CELF2: variants seen among roughly 807,000 people sequenced by gnomAD.
The protein encoded by CELF2 is CUGBP Elav-like family member 2.
A neutral mutation model predicts 62.6 loss-of-function variants in CELF2; 8 were observed. That is an observed-to-expected ratio of 0.13 (90% CI 0.07 to 0.23). CELF2 has a LOEUF of 0.23. Among genes scored for constraint, CELF2 ranks in the 10% least tolerant of loss-of-function variants. The probability of loss-of-function intolerance (pLI) is 1.00; values close to 1 mark genes in which losing one functional copy is unlikely to be tolerated. For missense variants in CELF2, 333 were observed against 671.0 expected (o/e 0.50, Z 5.56); for synonymous variants, 258 against 250.0 (o/e 1.03, Z -0.30).
the CELF2 span, among the ~76,000 whole-genome samples, chr10:10,744,693 T>C: frequency 1.3e-5 from 2 of 152,134 alleles, 1 homozygote. Context: ...TTTTTTTTTT[T>C]AGCAAGCATC....
intron 8 of CELF2, 93 bp downstream of exon 8, chr10:11,275,213 A>C (rs778951892): frequency 8.2e-7 from 1 of 1,223,712 alleles, no homozygotes; most frequent in Non-Finnish European, 1.2e-6. Context: ...GGGGAAGAGA[A>C]CCAAGAATGA....
At chr10:10,568,025 A>G in the CELF2 span, among the ~76,000 whole-genome samples, 1 of 152,212 alleles carries the variant, frequency 6.6e-6, no homozygotes, top group Non-Finnish European at 1.5e-5. Context: ...GGTAGAGGGT[A>G]TACACAGAAG....
chr10:11,266,792 ATC>A, intron 6 of CELF2, 115 bp downstream of exon 6: 1 of 710,318 alleles, frequency 1.4e-6, no homozygotes, highest in Non-Finnish European at 2.3e-6. Context: ...AACTTTCACC[ATC>A]TCAGTTTTCA....
chr10:11,002,658 G>A (rs538330163), upstream of CELF2, among the ~76,000 whole-genome samples: 10 of 152,248 alleles, frequency 6.6e-5, no homozygotes, highest in East Asian at 7.7e-4. This position sits in a 1 kb window ranked among gnomAD's most constrained non-coding sequence, Gnocchi z 4.4. Context: ...AGGAACCAGC[G>A]GTGCCTGCCC....
intron 2 of CELF2, among the ~76,000 whole-genome samples, chr10:10,951,047 G>T (rs1001600220): frequency 2.0e-5 from 3 of 152,206 alleles, no homozygotes; most frequent in African/African-American, 7.2e-5. Flanking sequence ...TCTATTTCAT[G>T]ATTTGTTATT....
chr10:10,501,922 A>G, the CELF2 span, among the ~76,000 whole-genome samples: 1 of 152,168 alleles, frequency 6.6e-6, no homozygotes, highest in African/African-American at 2.4e-5. Flanking sequence ...AATGCTTTTT[A>G]GCAAGCAAAG....
At chr10:11,041,842 A>G (rs1029914977) in intron 1 of CELF2, among the ~76,000 whole-genome samples, 15 of 152,182 alleles carry the variant, frequency 9.9e-5, no homozygotes, top group African/African-American at 3.1e-4. Context: ...CCACAGACCC[A>G]TTACTATATA....
chr10:11,254,531 G>A (rs1326213993), intron 4 of CELF2, among the ~76,000 whole-genome samples: 3 of 152,196 alleles, frequency 2.0e-5, no homozygotes. Context: ...TTCTTCATGA[G>A]TAGTTTCCAT....
chr10:11,058,442 CTGTTGGTTTTTTT>C (rs1163856964), intron 1 of CELF2, among the ~76,000 whole-genome samples: 16 of 144,862 alleles, frequency 1.1e-4, no homozygotes, highest in African/African-American at 3.5e-4. Flanking sequence ...AGGTGAGGTA[CTGTTGGTTTTTTT>C]TGTTGGTTTT....
chr10:11,091,978 C>T (rs1269056472), intron 1 of CELF2, among the ~76,000 whole-genome samples: 1 of 152,180 alleles, frequency 6.6e-6, no homozygotes, highest in Non-Finnish European at 1.5e-5. Flanking sequence ...ATATATAATA[C>T]TGATCAATAT....
At chr10:11,189,453 T>C (rs1297017517) in intron 2 of CELF2, among the ~76,000 whole-genome samples, 1 of 152,208 alleles carries the variant, frequency 6.6e-6, no homozygotes, top group Non-Finnish European at 1.5e-5. Context: ...AATGTAATCG[T>C]TGATAAAATT....
At chr10:10,587,048 C>A in the CELF2 span, among the ~76,000 whole-genome samples, 1 of 152,086 alleles carries the variant, frequency 6.6e-6, no homozygotes, top group Admixed American at 6.5e-5. Context: ...CCAGAGGTGC[C>A]CCTTTAGAAA....
the CELF2 span, among the ~76,000 whole-genome samples, chr10:10,596,112 C>G: frequency 6.6e-6 from 1 of 152,154 alleles, no homozygotes; most frequent in Admixed American, 6.5e-5. Flanking sequence ...CAGTTTGGGA[C>G]TCACCTGTCC....
chr10:10,992,809 C>T (rs974635997), intron 2 of CELF2, among the ~76,000 whole-genome samples: 1 of 152,142 alleles, frequency 6.6e-6, no homozygotes, highest in African/African-American at 2.4e-5. Flanking sequence ...TGCACAGTTA[C>T]GGCAGTAGGT....
At chr10:10,775,391 G>A in the CELF2 span, among the ~76,000 whole-genome samples, 1 of 152,010 alleles carries the variant, frequency 6.6e-6, no homozygotes, top group Non-Finnish European at 1.5e-5. Context: ...AGCAGTTTGG[G>A]AGGCCAAGGC....
chr10:10,557,522 T>G, the CELF2 span, among the ~76,000 whole-genome samples: 2 of 146,288 alleles, frequency 1.4e-5, no homozygotes, highest in Non-Finnish European at 3.0e-5. Context: ...TGCGAGCTCT[T>G]TTTTGGTTCC....
chr10:11,092,234 G>C (rs573767586), intron 1 of CELF2: 1 of 152,280 alleles, frequency 6.6e-6, no homozygotes, highest in East Asian at 1.9e-4. Context: ...ATCACACAGT[G>C]TTTGCTTCTC....
the CELF2 span, among the ~76,000 whole-genome samples, chr10:10,480,924 G>C: frequency 2.0e-5 from 3 of 152,230 alleles, no homozygotes; most frequent in Non-Finnish European, 4.4e-5. Flanking sequence ...ATCTTGCCCA[G>C]TGGTAGCAGG....
At chr10:11,162,398 T>C (rs1309629711) in intron 1 of CELF2, among the ~76,000 whole-genome samples, 1 of 152,190 alleles carries the variant, frequency 6.6e-6, no homozygotes, top group Non-Finnish European at 1.5e-5. Context: ...TTGGATTTAC[T>C]TAAGGAAGGG....
Sources: allele counts gnomAD v4.1 joint callset (sites outside exome capture counted in the v4.1 genomes callset), GRCh38; gene constraint gnomAD v4.1.1; non-coding constraint Gnocchi (gnomAD v3.1); transcripts MANE v1.5; gene names NCBI Gene and HGNC (gene_info 2026-07-23, HGNC 2026-07-21).